The following LINGO2 variants were observed in gnomAD, a reference collection of about 807,000 sequenced individuals.
The protein encoded by LINGO2 is leucine-rich repeat and immunoglobulin-like domain-containing nogo receptor-interacting protein 2.
LINGO2 carries 14 observed loss-of-function variants against 30.6 expected under a neutral mutation model. The observed-to-expected ratio is 0.46, with a 90% CI of 0.30 to 0.72. LINGO2 has a LOEUF of 0.72. Ranked by LOEUF, LINGO2 falls within the 30% of genes least tolerant of loss-of-function variation. The probability of loss-of-function intolerance (pLI) is 0.07; values close to 1 mark genes in which losing one functional copy is unlikely to be tolerated. For missense variants in LINGO2, 729 were observed against 751.7 expected, an observed-to-expected ratio of 0.97 and a Z score of 0.35; for synonymous variants, 317 against 288.5, an observed-to-expected ratio of 1.10 and a Z score of -1.00.
chr9:29,028,037 G>A, the LINGO2 span, among the ~76,000 whole-genome samples: 3,302 of 152,130 alleles, frequency 0.022, 114 homozygotes, highest in African/African-American at 0.074. Flanking sequence ...TGCTAAAGCA[G>A]GCTTACAGAA....
At chr9:29,157,031 A>G in the LINGO2 span, among the ~76,000 whole-genome samples, 1 of 152,176 alleles carries the variant, frequency 6.6e-6, no homozygotes, top group East Asian at 1.9e-4. Flanking sequence ...TGATCTCATA[A>G]GATCATAGAA....
intron 2 of LINGO2, among the ~76,000 whole-genome samples, chr9:28,456,203 C>A (rs1009341728): frequency 1.3e-5 from 2 of 152,164 alleles, no homozygotes; most frequent in African/African-American, 2.4e-5. Context: ...CCATTTTACA[C>A]ATAAGCAAAG....
chr9:28,512,100 A>C (rs142534199), intron 1 of LINGO2, among the ~76,000 whole-genome samples: 2,599 of 152,206 alleles, frequency 0.017, 82 homozygotes, highest in African/African-American at 0.059. Flanking sequence ...TTGTGCCTTC[A>C]GGACCTGCTT....
At chr9:29,081,595 G>A in the LINGO2 span, among the ~76,000 whole-genome samples, 2 of 152,104 alleles carry the variant, frequency 1.3e-5, no homozygotes, top group Non-Finnish European at 1.5e-5. Context: ...AATCAGGCAG[G>A]AGAAGGAAAT....
At chr9:28,882,615 T>A in the LINGO2 span, among the ~76,000 whole-genome samples, 6 of 152,190 alleles carry the variant, frequency 3.9e-5, no homozygotes, top group Non-Finnish European at 8.8e-5. Flanking sequence ...TCCTCTAAGA[T>A]AAGGGCTCTC....
At chr9:28,900,433 T>C in the LINGO2 span, among the ~76,000 whole-genome samples, 1 of 152,080 alleles carries the variant, frequency 6.6e-6, no homozygotes, top group Non-Finnish European at 1.5e-5. Context: ...CAGTTCAGAC[T>C]TTATGGATAC....
intron 3 of LINGO2, among the ~76,000 whole-genome samples, chr9:28,334,980 G>A (rs917081189): frequency 4.6e-5 from 7 of 152,086 alleles, no homozygotes; most frequent in African/African-American, 1.7e-4. Flanking sequence ...TGAGATAGAG[G>A]CCAGGGTTAG....
intron 1 of LINGO2, among the ~76,000 whole-genome samples, chr9:28,632,584 G>A (rs1034030046): frequency 5.0e-5 from 7 of 141,244 alleles, no homozygotes; most frequent in African/African-American, 1.5e-4. Flanking sequence ...TATATATGTC[G>A]ATATATGTAA....
intron 4 of LINGO2, among the ~76,000 whole-genome samples, chr9:28,151,234 C>G (rs1827991301): frequency 6.6e-6 from 1 of 151,944 alleles, no homozygotes; most frequent in South Asian, 2.1e-4. Flanking sequence ...ATTAGGAAAT[C>G]AATAACTATA....
the LINGO2 span, among the ~76,000 whole-genome samples, chr9:28,680,384 C>T: frequency 7.9e-5 from 12 of 152,106 alleles, no homozygotes; most frequent in African/African-American, 2.9e-4. Flanking sequence ...TAAGTTGATT[C>T]CATATCTTGG....
At chr9:28,626,581 C>G in intron 1 of LINGO2, among the ~76,000 whole-genome samples, 1 of 151,998 alleles carries the variant, frequency 6.6e-6, no homozygotes, top group East Asian at 1.9e-4. Context: ...GTTTAAGCAT[C>G]ATTTGTTCAA....
chr9:27,946,048 G>A (rs1283148729), downstream of LINGO2, among the ~76,000 whole-genome samples: 2 of 152,106 alleles, frequency 1.3e-5, no homozygotes, highest in African/African-American at 4.8e-5. Flanking sequence ...CGTCACAAGA[G>A]TATTACTCTA....
chr9:28,191,822 G>A (rs1268864546), intron 4 of LINGO2, among the ~76,000 whole-genome samples: 3 of 151,948 alleles, frequency 2.0e-5, no homozygotes, highest in Non-Finnish European at 4.4e-5. Flanking sequence ...CAGTAACCTG[G>A]TTTTCTTCTG....
chr9:28,411,886 G>T (rs1822777661), intron 2 of LINGO2, among the ~76,000 whole-genome samples: 1 of 152,060 alleles, frequency 6.6e-6, no homozygotes. Context: ...CCCATTAACA[G>T]TGTACAAAGT....
the LINGO2 span, among the ~76,000 whole-genome samples, chr9:29,167,729 A>G: frequency 6.6e-6 from 1 of 152,186 alleles, no homozygotes; most frequent in Admixed American, 6.5e-5. Flanking sequence ...AAGGTGTCTT[A>G]CCTTGTATCT....
chr9:28,769,228 T>A, the LINGO2 span, among the ~76,000 whole-genome samples: 1 of 151,472 alleles, frequency 6.6e-6, no homozygotes, highest in Non-Finnish European at 1.5e-5. Flanking sequence ...AAGTATATAT[T>A]AGTGTTCAAC....
At chr9:29,139,509 T>A in the LINGO2 span, among the ~76,000 whole-genome samples, 1 of 152,070 alleles carries the variant, frequency 6.6e-6, no homozygotes, top group Non-Finnish European at 1.5e-5. Context: ...AAAATTGAAA[T>A]CTGGATAGGA....
At chr9:28,740,920 T>C in the LINGO2 span, among the ~76,000 whole-genome samples, 1 of 152,024 alleles carries the variant, frequency 6.6e-6, no homozygotes, top group Non-Finnish European at 1.5e-5. Context: ...CTAGCCTGAA[T>C]CCTGAGTCCA....
chr9:28,209,743 A>C lies in LINGO2; in HGVS notation c.-87+85465T>G, dbSNP rs569848023. 2.0e-5 allele frequency among the ~76,000 whole-genome samples: 3 copies of C among 151,940 alleles called. No homozygotes were observed. In the East Asian group the frequency reaches 5.8e-4, roughly 29 times the overall value. On this transcript the variant is annotated intron_variant, in intron 4 of 5. Transcript: ENST00000379992. ...AAAAGGAAATCAGAGCTGTTCTAGA[A>C]TATACCAGGAGTATGATGGGATGCA... is the stretch of plus-strand genomic sequence containing the variant.
Sources: gnomAD v4.1 joint callset for allele counts (sites outside exome capture counted in the v4.1 genomes callset) on GRCh38, gnomAD v4.1.1 for gene constraint, MANE v1.5 for transcripts, NCBI Gene and HGNC (gene_info 2026-07-23, HGNC 2026-07-21) for gene names.